The following VWA8 variants were observed in gnomAD, a reference collection of about 807,000 sequenced individuals.
VWA8 encodes the protein von Willebrand factor A domain-containing protein 8.
A neutral mutation model predicts 241.5 loss-of-function variants in VWA8; 221 were observed. The ratio of observed to expected loss-of-function variants is 0.91; its 90% CI spans 0.82 to 1.02. The LOEUF is 1.02. Among genes scored for constraint, VWA8 ranks in the 50% least tolerant of loss-of-function variants. The probability of loss-of-function intolerance (pLI) is 0.00; values close to 1 mark genes in which losing one functional copy is unlikely to be tolerated. For synonymous variants in VWA8, 852 were observed against 827.1 expected (o/e 1.03, Z -0.52); for missense variants, 2,322 against 2,328.7 (o/e 1.00, Z 0.06).
intron 43 of VWA8, among the ~76,000 whole-genome samples, chr13:41,573,494 T>TATATATATATATATATATATATA (rs2044327097): frequency 7.5e-6 from 1 of 133,456 alleles, no homozygotes; most frequent in Non-Finnish European, 1.5e-5. Flanking sequence ...AAAATATATA[T>TATATATATATATATATATATATA]ATATATATAT....
chr13:41,800,015 T>G (rs1199373138), intron 17 of VWA8, among the ~76,000 whole-genome samples: 1 of 152,234 alleles, frequency 6.6e-6, no homozygotes, highest in Non-Finnish European at 1.5e-5. Flanking sequence ...ATTCTGGATA[T>G]TTCATGTAAA....
intron 38 of VWA8, among the ~76,000 whole-genome samples, chr13:41,613,293 C>T (rs1055867915): frequency 1.3e-5 from 2 of 152,140 alleles, no homozygotes; most frequent in African/African-American, 4.8e-5. Flanking sequence ...GAACATATTT[C>T]ACTTTTATTT....
intron 2 of VWA8, among the ~76,000 whole-genome samples, chr13:41,918,740 T>C (rs1245923353): frequency 6.6e-6 from 1 of 151,898 alleles, no homozygotes; most frequent in Admixed American, 6.6e-5. Context: ...GGTCTGCAAA[T>C]AAAAAAAGGT....
chr13:41,784,866 C>T (rs1170583514), intron 18 of VWA8, among the ~76,000 whole-genome samples: 1 of 149,884 alleles, frequency 6.7e-6, no homozygotes, highest in Admixed American at 6.7e-5. Context: ...AGGTGATTTT[C>T]ATACCCAGCC....
At chr13:41,815,449 T>G (rs572102272) in intron 16 of VWA8, among the ~76,000 whole-genome samples, 111 of 152,300 alleles carry the variant, frequency 7.3e-4, no homozygotes, top group Admixed American at 1.2e-3. Flanking sequence ...GTGTGGACCC[T>G]AAATGTAATC....
At chr13:41,802,191 G>A (rs1253305075) in intron 17 of VWA8, among the ~76,000 whole-genome samples, 1 of 152,172 alleles carries the variant, frequency 6.6e-6, no homozygotes, top group Non-Finnish European at 1.5e-5. Flanking sequence ...TACATAGCTT[G>A]GAGAAAGAAT....
intron 14 of VWA8, among the ~76,000 whole-genome samples, chr13:41,819,689 T>C (rs1049675593): frequency 2.0e-5 from 3 of 152,200 alleles, no homozygotes; most frequent in Non-Finnish European, 4.4e-5. Context: ...TTCTCCATAA[T>C]GTCTTGAAAT....
At chr13:41,694,506 T>C (rs1039804750) in intron 29 of VWA8, among the ~76,000 whole-genome samples, 1 of 152,038 alleles carries the variant, frequency 6.6e-6, no homozygotes, top group Non-Finnish European at 1.5e-5. Flanking sequence ...TCACCACTAC[T>C]TGACAGTTTT....
chr13:41,959,500 AAAAAAAAAAAC>A (rs1593898605), intron 1 of VWA8, among the ~76,000 whole-genome samples: 2 of 150,964 alleles, frequency 1.3e-5, no homozygotes, highest in South Asian at 2.1e-4. Flanking sequence ...AAGCAAAAAA[AAAAAAAAAAAC>A]AAAAAGTAAA....
intron 12 of VWA8, chr13:41,864,476 A>T (rs1566485880): frequency 2.9e-6 from 1 of 349,378 alleles, no homozygotes; most frequent in African/African-American, 2.2e-5. Context: ...GTATAGACAT[A>T]CAACAGAATA....
intron 20 of VWA8, among the ~76,000 whole-genome samples, chr13:41,761,641 C>A (rs563459636): frequency 6.6e-6 from 1 of 152,126 alleles, no homozygotes; most frequent in East Asian, 1.9e-4. Context: ...AAATATAATA[C>A]TGTATTTTTT....
At position 41,929,529 on chromosome 13, in the gene VWA8, T is replaced by C. The variant is rs139231928; in HGVS notation, c.242-17361A>G. On this transcript the variant is annotated intron_variant, in intron 2 of 44. Coordinates refer to ENST00000379310, the MANE Select transcript of VWA8 (RefSeq NM_015058.2). Reference sequence around the variant, plus strand: ...TGTGCAACTAGTATGTATCAGTTTTTAAAAAGGTATGATACTGGCAAAAAA... The same window carrying C: ...TGTGCAACTAGTATGTATCAGTTTTCAAAAAGGTATGATACTGGCAAAAAA... 1.5e-3 allele frequency among the ~76,000 whole-genome samples: 228 copies of C among 152,082 alleles called. 5 individuals carry two copies. The East Asian group carries it at 0.035, about 23-fold the overall frequency.
At chr13:41,776,684 T>C (rs975595421) in intron 20 of VWA8, among the ~76,000 whole-genome samples, 20 of 152,162 alleles carry the variant, frequency 1.3e-4, no homozygotes, top group South Asian at 2.1e-4. Flanking sequence ...CATCCTTACG[T>C]TAGCCCAAAG....
intron 37 of VWA8, among the ~76,000 whole-genome samples, chr13:41,631,578 T>A (rs918996696): frequency 6.6e-6 from 1 of 152,174 alleles, no homozygotes; most frequent in African/African-American, 2.4e-5. Flanking sequence ...TATAGGCTCG[T>A]AGAACTCATC....
rs1216642691 is a variant in VWA8 at position 41,699,263 on chromosome 13, C to T, written c.3372G>A (p.Glu1124=). The T allele has an allele frequency of 2.2e-5, 35 of 1,613,960 alleles. No homozygotes were observed. Among genetic ancestry groups the T allele is most frequent in the Non-Finnish European group, 2.8e-5 (33 of 1,179,916 alleles). ...ICDIATSHEN[E]QNTLYVVTCN... ...ATGTAACTACATAGAGAGTATTTTGCTCATTTTCTGAAATGACAAAAAGGT... is the reference window on the plus strand; with the variant it reads ...ATGTAACTACATAGAGAGTATTTTGTTCATTTTCTGAAATGACAAAAAGGT... The change falls in exon 29 of 45, where the codon GAG becomes GAA. Residue 1124 remains glutamate (E), a synonymous_variant. Transcript: ENST00000379310.
intron 18 of VWA8, among the ~76,000 whole-genome samples, chr13:41,785,272 T>C (rs1869131746): frequency 2.0e-5 from 3 of 152,122 alleles, no homozygotes; most frequent in Admixed American, 6.6e-5. Flanking sequence ...ACTAAGAACA[T>C]ACACTATGTA....
At chr13:41,903,227 A>C (rs1474608045) in intron 4 of VWA8, among the ~76,000 whole-genome samples, 6 of 152,134 alleles carry the variant, frequency 3.9e-5, no homozygotes, top group African/African-American at 1.4e-4. Flanking sequence ...ACATCCATAG[A>C]AAACCCCACC....
At chr13:41,737,684 C>A (rs2045536357) in intron 21 of VWA8, among the ~76,000 whole-genome samples, 1 of 152,120 alleles carries the variant, frequency 6.6e-6, no homozygotes, top group African/African-American at 2.4e-5. Flanking sequence ...TTCAAAATTG[C>A]TAAGTAAATT....
intron 37 of VWA8, among the ~76,000 whole-genome samples, chr13:41,625,834 A>T (rs2044686425): frequency 6.7e-6 from 1 of 150,250 alleles, no homozygotes; most frequent in African/African-American, 2.4e-5. Flanking sequence ...AACCAACCCA[A>T]ATGTCCAACA....
Sources: gnomAD v4.1 joint callset for allele counts (sites outside exome capture counted in the v4.1 genomes callset) on GRCh38, gnomAD v4.1.1 for gene constraint, MANE v1.5 for transcripts, NCBI Gene and HGNC (gene_info 2026-07-23, HGNC 2026-07-21) for gene names.